Variants in CUX1 observed in about 807,000 individuals in gnomAD.
CUX1 encodes cut like homeobox 1, also known as protein CASP.
CUX1 carries 31 observed loss-of-function variants against 158.8 expected under a neutral mutation model. That is an observed-to-expected ratio of 0.20 (90% CI 0.15 to 0.26). The LOEUF is 0.26. Among genes scored for constraint, CUX1 ranks in the 10% least tolerant of loss-of-function variants. The pLI is 1.00. For synonymous variants in CUX1, 879 were observed against 862.1 expected, an observed-to-expected ratio of 1.02 and a Z score of -0.34; for missense variants, 1,589 against 2,014.6, an observed-to-expected ratio of 0.79 and a Z score of 4.04.
chr7:102,213,189 C>T (rs1796723090), intron 20 of CUX1, among the ~76,000 whole-genome samples: 1 of 152,244 alleles, frequency 6.6e-6, no homozygotes, highest in Non-Finnish European at 1.5e-5. Flanking sequence ...TTCCCACCTC[C>T]TTTGGTGGAG....
chr7:102,227,002 A>G lies in CUX1; in HGVS notation c.3131-365A>G, dbSNP rs557274470. Among the ~76,000 whole-genome samples, 3 of 152,260 alleles carry G rather than the reference A, an allele frequency of 2.0e-5. No homozygotes were observed. The South Asian group carries it at 6.2e-4, about 32-fold the overall frequency. ...AAAATATGGACAACATAACTACACA[A>G]GTTATGATCTAGCCAAAGTGCTTCT... On this transcript the variant is annotated intron_variant, in intron 20 of 23. Transcript: ENST00000292535.
At chr7:101,890,187 G>T (rs1800722322) in intron 1 of CUX1, among the ~76,000 whole-genome samples, 1 of 152,228 alleles carries the variant, frequency 6.6e-6, no homozygotes, top group South Asian at 2.1e-4. Flanking sequence ...CTTGGCAGAT[G>T]GGGTTGACGG....
intron 2 of CUX1, among the ~76,000 whole-genome samples, chr7:101,972,962 C>T (rs771713583): frequency 9.2e-5 from 14 of 152,206 alleles, no homozygotes; most frequent in Admixed American, 3.9e-4. Context: ...CTCCAGATCT[C>T]GTTACTGACC....
chr7:101,970,493 G>C (rs115900442), intron 2 of CUX1, among the ~76,000 whole-genome samples: 1 of 152,164 alleles, frequency 6.6e-6, no homozygotes, highest in Non-Finnish European at 1.5e-5. Flanking sequence ...ACCTGAGCTC[G>C]AGGAGTGGGA....
chr7:102,231,018 C>T (rs1314817448), intron 21 of CUX1, among the ~76,000 whole-genome samples: 5 of 133,398 alleles, frequency 3.7e-5, no homozygotes, highest in African/African-American at 1.1e-4. Flanking sequence ...ACACCCCAAG[C>T]CCGGCTATTT....
intron 11 of CUX1, among the ~76,000 whole-genome samples, chr7:102,181,518 C>T (rs1169550460): frequency 1.3e-5 from 2 of 152,130 alleles, no homozygotes; most frequent in African/African-American, 4.8e-5. Flanking sequence ...TCAATGTTTG[C>T]CTTCACAAAA....
At chr7:102,020,487 AC>A (rs1819209712) in intron 2 of CUX1, among the ~76,000 whole-genome samples, 1 of 152,260 alleles carries the variant, frequency 6.6e-6, no homozygotes, top group Admixed American at 6.5e-5. Context: ...GGGAAACTTA[AC>A]AGCTATCTAA....
chr7:102,282,423 T>G (rs1792147140), intron 21 of CUX1, among the ~76,000 whole-genome samples: 1 of 152,046 alleles, frequency 6.6e-6, no homozygotes, highest in Non-Finnish European at 1.5e-5. Flanking sequence ...CCCCGCACAG[T>G]CAAGATGGCC....
chr7:102,260,803 G>A (rs1790353297), downstream of CUX1, among the ~76,000 whole-genome samples: 1 of 152,150 alleles, frequency 6.6e-6, no homozygotes, highest in Non-Finnish European at 1.5e-5. Context: ...ATATATTAGA[G>A]CACTTGAATT....
intron 1 of CUX1, chr7:101,913,387 T>A (rs1376037177): frequency 7.9e-7 from 1 of 1,265,926 alleles, no homozygotes; most frequent in African/African-American, 1.5e-5. Context: ...AGTCCCCGAC[T>A]GCCAGCAGCA....
chr7:101,838,527 C>T (rs554511960), intron 1 of CUX1, among the ~76,000 whole-genome samples: 1 of 151,364 alleles, frequency 6.6e-6, no homozygotes, highest in Non-Finnish European at 1.5e-5. Flanking sequence ...CAGGGCCAGG[C>T]GCGGTAGCTC....
chr7:101,989,705 C>T (rs1225687095), intron 2 of CUX1, among the ~76,000 whole-genome samples: 1 of 152,110 alleles, frequency 6.6e-6, no homozygotes, highest in East Asian at 1.9e-4. Context: ...GTGTTCTGAC[C>T]CCAACACCAT....
At chr7:101,911,230 T>C (rs531173870) in intron 1 of CUX1, among the ~76,000 whole-genome samples, 80 of 152,042 alleles carry the variant, frequency 5.3e-4, no homozygotes, top group Non-Finnish European at 1.0e-3. Context: ...GAGCCTTGGC[T>C]TTGGCCCTCC....
intron 1 of CUX1, among the ~76,000 whole-genome samples, chr7:101,848,257 T>C (rs557272314): frequency 6.6e-6 from 1 of 152,172 alleles, no homozygotes; most frequent in Non-Finnish European, 1.5e-5. Flanking sequence ...TTCTCCCTTA[T>C]GTGATTCAAA....
chr7:102,170,640 C>A, intron 10 of CUX1, 90 bp downstream of exon 10: 1 of 891,678 alleles, frequency 1.1e-6, no homozygotes. Context: ...TTTTCAGCAT[C>A]TCTTTTTGGG....
rs192351236 is a variant in CUX1, at chr7:101,940,404, G to A, written c.141+24179G>A. 3.3e-5 allele frequency among the ~76,000 whole-genome samples: 5 copies of A among 152,220 alleles called. No homozygotes were observed. The East Asian group carries it at 7.7e-4, about 24-fold the overall frequency. On this transcript the variant is annotated intron_variant, in intron 2 of 23. Transcript: ENST00000292535. ...CCCCGCTGGGGGTGCCTGTGATGGAGGGTAGGCTGTGGTGCCTGCGGGCGC... is the reference window on the plus strand; with the variant it reads ...CCCCGCTGGGGGTGCCTGTGATGGAAGGTAGGCTGTGGTGCCTGCGGGCGC...
chr7:102,132,793 T>G (rs1833463260), intron 8 of CUX1, among the ~76,000 whole-genome samples: 1 of 150,266 alleles, frequency 6.7e-6, no homozygotes, highest in Non-Finnish European at 1.5e-5. Context: ...TGCCTCAGCT[T>G]CCTGAGTAGC....
chr7:102,178,465 C>G lies in CUX1; in HGVS notation c.829-4C>G, dbSNP rs782264938. On this transcript the variant is annotated splice_polypyrimidine_tract_variant and splice_region_variant and intron_variant, in intron 10 of 23. Transcript: ENST00000292535. ...AGTTTTGTCATCTCTTTTCTCCTCC[C>G]CAGGAGCAGGCCATAGAGGTGCTGA... 2 of 1,589,958 alleles carry G rather than the reference C, an allele frequency of 1.3e-6. No individual in the cohort carries two copies. The highest frequency in any genetic ancestry group is 1.1e-5 in the South Asian group (1 of 89,882).
intron 2 of CUX1, among the ~76,000 whole-genome samples, chr7:101,921,836 GGCCAGACACAGTGGCTTAC>G (rs1467299117): frequency 3.6e-4 from 55 of 152,338 alleles, no homozygotes; most frequent in African/African-American, 1.3e-3. Context: ...GTTGGTTTGT[GGCCAGACACAGTGGCTTAC>G]GCCTGTAATC....
Sources: gnomAD v4.1 joint callset for allele counts (sites outside exome capture counted in the v4.1 genomes callset) on GRCh38, gnomAD v4.1.1 for gene constraint, MANE v1.5 for transcripts, NCBI Gene and HGNC (gene_info 2026-07-23, HGNC 2026-07-21) for gene names.